ZFHX3: variants seen among roughly 807,000 people sequenced by gnomAD.
ZFHX3 encodes the protein zinc finger homeobox 3, also known as zinc finger homeobox protein 3.
In ZFHX3, 42 loss-of-function variants were observed where a neutral mutation model predicts 279.1. The observed-to-expected ratio is 0.15, with a 90% confidence interval of 0.12 to 0.19. The LOEUF (loss-of-function observed/expected upper bound fraction) is 0.19, where lower values mean the gene tolerates loss of function less well. ZFHX3 is among the 10% of genes least tolerant of loss of function. The pLI is 1.00. For missense variants in ZFHX3, 4,981 were observed against 4,754.0 expected, an observed-to-expected ratio of 1.05 and a Z score of -1.40; for synonymous variants, 2,293 against 1,957.8, an observed-to-expected ratio of 1.17 and a Z score of -4.52.
intron 3 of ZFHX3, among the ~76,000 whole-genome samples, chr16:73,406,318 T>C (rs138439549): frequency 1.1e-4 from 17 of 152,332 alleles, no homozygotes; most frequent in East Asian, 5.8e-4. Flanking sequence ...ACTGCATCCA[T>C]CTACAAAGCC....
At chr16:73,006,559 A>G (rs1963707485) in intron 1 of ZFHX3, among the ~76,000 whole-genome samples, 1 of 152,102 alleles carries the variant, frequency 6.6e-6, no homozygotes. Flanking sequence ...TCAAGGCTAT[A>G]ATGAGCCATG....
intron 2 of ZFHX3, among the ~76,000 whole-genome samples, chr16:73,468,858 AT>A (rs2018616243): frequency 6.6e-6 from 1 of 152,232 alleles, no homozygotes; most frequent in Non-Finnish European, 1.5e-5. Flanking sequence ...CATTATCTTC[AT>A]ATAGGGTCAG....
intron 1 of ZFHX3, among the ~76,000 whole-genome samples, chr16:73,700,164 G>A (rs1286251024): frequency 6.6e-6 from 1 of 152,104 alleles, no homozygotes; most frequent in East Asian, 1.9e-4. Context: ...CAAGGCTGCA[G>A]TGAGCTGTGA....
chr16:73,536,242 T>A (rs973400224), intron 2 of ZFHX3, among the ~76,000 whole-genome samples: 1 of 152,206 alleles, frequency 6.6e-6, no homozygotes, highest in African/African-American at 2.4e-5. Flanking sequence ...TGCATTTATG[T>A]AAGTCTAAAA....
intron 1 of ZFHX3, among the ~76,000 whole-genome samples, chr16:73,743,313 T>C (rs1051454661): frequency 2.0e-5 from 3 of 152,246 alleles, no homozygotes; most frequent in Non-Finnish European, 1.5e-5. Flanking sequence ...CCACAGTTGA[T>C]TTCATCAAAT....
chr16:72,949,602 C>T (rs1352917026), intron 3 of ZFHX3, among the ~76,000 whole-genome samples: 4 of 150,872 alleles, frequency 2.7e-5, no homozygotes, highest in Non-Finnish European at 4.4e-5. Flanking sequence ...GGGGGGAAAG[C>T]GGAGGGTGGA....
At chr16:73,340,687 T>C (rs920666533) in intron 3 of ZFHX3, among the ~76,000 whole-genome samples, 5 of 152,168 alleles carry the variant, frequency 3.3e-5, no homozygotes, top group African/African-American at 9.7e-5. Context: ...ATCTTTTTAC[T>C]TGGTGGTGCT....
At chr16:73,855,254 G>T (rs532858664) in intron 1 of ZFHX3, among the ~76,000 whole-genome samples, 2 of 116,930 alleles carry the variant, frequency 1.7e-5, no homozygotes, top group Admixed American at 2.4e-4. Flanking sequence ...AATGCCATTC[G>T]TTCAATGTCC....
At chr16:73,593,641 GA>G (rs886214427) in intron 2 of ZFHX3, among the ~76,000 whole-genome samples, 2 of 151,916 alleles carry the variant, frequency 1.3e-5, no homozygotes, top group African/African-American at 4.8e-5. Context: ...AAAAAAGAAG[GA>G]AGGAAATTAT....
At chr16:73,055,516 G>A (rs1597139381) in intron 1 of ZFHX3, among the ~76,000 whole-genome samples, 1 of 152,222 alleles carries the variant, frequency 6.6e-6, no homozygotes, top group East Asian at 1.9e-4. Flanking sequence ...TTTCCCCATT[G>A]CAGGATTCCT....
intron 1 of ZFHX3, among the ~76,000 whole-genome samples, chr16:73,752,010 G>T (rs565108766): frequency 6.6e-6 from 1 of 152,138 alleles, no homozygotes. Context: ...CTAAGACAAG[G>T]GGAACAATGT....
At chr16:73,058,815 A>G (rs2144740125) in exon 1 of ZFHX3, 1 of 149,506 alleles carries the variant, frequency 6.7e-6, no homozygotes, top group East Asian at 2.0e-4. Context: ...GCCGAGCAGC[A>G]TGGTTGGCGG....
intron 1 of ZFHX3, among the ~76,000 whole-genome samples, chr16:73,823,811 G>C (rs1345886555): frequency 6.6e-6 from 1 of 152,174 alleles, no homozygotes; most frequent in Non-Finnish European, 1.5e-5. Flanking sequence ...GTATGCCAGC[G>C]CCTCCTGCCT....
intron 7 of ZFHX3, among the ~76,000 whole-genome samples, chr16:73,124,537 C>T (rs2144811632): frequency 6.6e-6 from 1 of 152,268 alleles, no homozygotes; most frequent in Middle Eastern, 3.4e-3. Context: ...AGGTTCAGTC[C>T]CACCACTTAG....
At chr16:73,579,955 A>C (rs2051842654) in intron 2 of ZFHX3, among the ~76,000 whole-genome samples, 1 of 147,310 alleles carries the variant, frequency 6.8e-6, no homozygotes, top group Non-Finnish European at 1.5e-5. Flanking sequence ...GTAGAATATA[A>C]TGTATTATAA....
chr16:73,435,539 G>C (rs1597334703), intron 3 of ZFHX3, among the ~76,000 whole-genome samples: 1 of 152,032 alleles, frequency 6.6e-6, no homozygotes, highest in African/African-American at 2.4e-5. Context: ...GGGCTGTTCT[G>C]TACTCCGTAG....
chr16:72,875,136 G>A (rs2038276410), intron 4 of ZFHX3, among the ~76,000 whole-genome samples: 1 of 152,206 alleles, frequency 6.6e-6, no homozygotes, highest in Admixed American at 6.5e-5. Flanking sequence ...GATTAACCAA[G>A]AAAACTGCCC....
intron 5 of ZFHX3, among the ~76,000 whole-genome samples, chr16:73,168,652 C>T (rs4503824): frequency 0.29 from 44,488 of 152,006 alleles, 6,934 homozygotes; most frequent in East Asian, 0.42. Context: ...TGTCCCTCCC[C>T]GCAATTCCCC....
intron 1 of ZFHX3, among the ~76,000 whole-genome samples, chr16:73,885,546 T>C (rs2030318489): frequency 6.6e-6 from 1 of 152,162 alleles, no homozygotes; most frequent in East Asian, 1.9e-4. Context: ...CTACTTCTTT[T>C]TGTTTGTTTC....
Sources: allele counts gnomAD v4.1 joint callset (sites outside exome capture counted in the v4.1 genomes callset), GRCh38; gene constraint gnomAD v4.1.1; transcripts MANE v1.5; gene names NCBI Gene and HGNC (gene_info 2026-07-23, HGNC 2026-07-21).